The following SORCS2 variants were observed in gnomAD, a reference collection of about 807,000 sequenced individuals.
SORCS2 encodes the protein VPS10 domain-containing receptor SorCS2.
In SORCS2, 100 loss-of-function variants were observed where a neutral mutation model predicts 141.6. The observed-to-expected ratio is 0.71, with a 90% confidence interval of 0.60 to 0.83. The LOEUF (loss-of-function observed/expected upper bound fraction) is 0.83. Ranked by LOEUF, SORCS2 falls within the 40% of genes least tolerant of loss-of-function variation. The probability of loss-of-function intolerance (pLI) is 0.00; values close to 1 mark genes in which losing one functional copy is unlikely to be tolerated. For missense variants in SORCS2, 1,646 were observed against 1,560.2 expected, an observed-to-expected ratio of 1.05 and a Z score of -0.93; for synonymous variants, 789 against 676.9, an observed-to-expected ratio of 1.17 and a Z score of -2.57.
At chr4:7,323,552 C>T (rs1577398462) in intron 1 of SORCS2, among the ~76,000 whole-genome samples, 1 of 152,102 alleles carries the variant, frequency 6.6e-6, no homozygotes, top group Non-Finnish European at 1.5e-5. Context: ...TGTGGGGAGG[C>T]TCCTAGGAGG....
At chr4:7,559,796 C>T (rs1019974924) in intron 3 of SORCS2, among the ~76,000 whole-genome samples, 1 of 152,256 alleles carries the variant, frequency 6.6e-6, no homozygotes, top group Admixed American at 6.5e-5. Context: ...AAACGGCTCT[C>T]CACAAGGGCA....
At chr4:7,392,955 C>G (rs73796512) in intron 1 of SORCS2, among the ~76,000 whole-genome samples, 4,448 of 151,342 alleles carry the variant, frequency 0.029, 210 homozygotes, top group African/African-American at 0.1. Context: ...ACAGGCTGAG[C>G]TGGCATAGAT....
At chr4:7,676,639 C>T (rs1338433187) in intron 9 of SORCS2, among the ~76,000 whole-genome samples, 1 of 150,070 alleles carries the variant, frequency 6.7e-6, no homozygotes, top group Non-Finnish European at 1.5e-5. Context: ...CCATCTCTCT[C>T]CCTCTCTCCC....
intron 1 of SORCS2, among the ~76,000 whole-genome samples, chr4:7,379,404 G>A (rs1199872648): frequency 6.6e-6 from 1 of 152,212 alleles, no homozygotes; most frequent in East Asian, 1.9e-4. Context: ...AGCACGAGAG[G>A]CGTATTCAGA....
At chr4:7,302,073 G>A (rs946311663) in intron 1 of SORCS2, among the ~76,000 whole-genome samples, 6 of 152,230 alleles carry the variant, frequency 3.9e-5, no homozygotes, top group Non-Finnish European at 2.9e-5. Flanking sequence ...CCTGCATCCC[G>A]GCTTGCCGGT....
At chr4:7,338,238 AGGATGGAT>A (rs149832865) in intron 1 of SORCS2, among the ~76,000 whole-genome samples, 4 of 142,592 alleles carry the variant, frequency 2.8e-5, no homozygotes, top group Non-Finnish European at 6.1e-5. Flanking sequence ...GTCGGATGGA[AGGATGGAT>A]GGATGGATGG....
intron 9 of SORCS2, 108 bp from the exon 10 acceptor site, chr4:7,682,635 G>A: frequency 9.2e-7 from 1 of 1,086,448 alleles, no homozygotes; most frequent in Non-Finnish European, 1.3e-6. Flanking sequence ...ACTGTGAAAT[G>A]AGGCCACATG....
chr4:7,642,959 C>G (rs547436081), intron 4 of SORCS2, among the ~76,000 whole-genome samples: 1 of 152,328 alleles, frequency 6.6e-6, no homozygotes, highest in Non-Finnish European at 1.5e-5. Context: ...AGTCACATGA[C>G]AAGCCCAGAG....
chr4:7,338,532 CA>C (rs1720166714), intron 1 of SORCS2, among the ~76,000 whole-genome samples: 1 of 152,040 alleles, frequency 6.6e-6, no homozygotes, highest in African/African-American at 2.4e-5. Context: ...TATTGGTGGG[CA>C]AACTGAGGCC....
rs1046065564 is a variant in SORCS2, at chr4:7,648,074, G to A, written c.814-6060G>A. ...GTGGCCTGAGATGGAATGGGGTGCC[G>A]GCCCCTGAGGGCTCTGCTTACGGTG... is the stretch of plus-strand genomic sequence containing the variant. On this transcript the variant is annotated intron_variant, in intron 4 of 26. Transcript: ENST00000507866. The surrounding 1 kb of genome is among the most constrained non-coding windows in gnomAD (Gnocchi z 4.2). Among the ~76,000 whole-genome samples, 17 of 152,112 alleles carry A rather than the reference G, an allele frequency of 1.1e-4. No homozygotes were observed. Among genetic ancestry groups the A allele is most frequent in the African/African-American group, 1.9e-4 (8 of 41,426 alleles).
chr4:7,217,753 C>G (rs539895348), intron 1 of SORCS2, among the ~76,000 whole-genome samples: 1 of 152,214 alleles, frequency 6.6e-6, no homozygotes, highest in Non-Finnish European at 1.5e-5. Flanking sequence ...AAGTCTCCAA[C>G]TGTTAAATAC....
chr4:7,512,803 T>C (rs1732743858), intron 2 of SORCS2, among the ~76,000 whole-genome samples: 1 of 152,074 alleles, frequency 6.6e-6, no homozygotes, highest in Non-Finnish European at 1.5e-5. Context: ...CCCCCACCAG[T>C]GGACACATGG....
intron 1 of SORCS2, among the ~76,000 whole-genome samples, chr4:7,267,663 T>C (rs965345007): frequency 5.9e-5 from 9 of 152,200 alleles, no homozygotes; most frequent in African/African-American, 2.2e-4. Flanking sequence ...AAACCCCGTC[T>C]GTACTAAAAA....
chr4:7,618,857 C>T (rs371833010), intron 3 of SORCS2, among the ~76,000 whole-genome samples: 1 of 140,774 alleles, frequency 7.1e-6, no homozygotes, highest in Non-Finnish European at 1.6e-5. Context: ...CACACACACA[C>T]AAACACACAC....
rs141154179 is a variant in SORCS2, at chr4:7,644,360, C to T, written c.813+5868C>T. Among the ~76,000 whole-genome samples the T allele has an allele frequency of 3.1e-3, 464 of 149,016 alleles. 2 individuals carry two copies. Among genetic ancestry groups the T allele is most frequent in the Middle Eastern group, 0.01 (3 of 294 alleles). ...CCAGCTGCTGCCTTCACCACCACCA[C>T]GTCTCCACCCTCCAGAGGTGGAGGG... On this transcript the variant is annotated intron_variant, in intron 4 of 26. Transcript: ENST00000507866.
intron 2 of SORCS2, among the ~76,000 whole-genome samples, chr4:7,509,770 C>G (rs2109458311): frequency 6.6e-6 from 1 of 152,248 alleles, no homozygotes; most frequent in Non-Finnish European, 1.5e-5. Flanking sequence ...GCCTCCACCG[C>G]CCACCGGGGC....
chr4:7,263,397 G>T (rs1209931433), intron 1 of SORCS2, among the ~76,000 whole-genome samples: 3 of 151,940 alleles, frequency 2.0e-5, no homozygotes, highest in African/African-American at 7.2e-5. Flanking sequence ...GTCAAAGAAA[G>T]CACCCGTCAT....
intron 23 of SORCS2, 144 bp downstream of exon 23, chr4:7,729,856 A>G (rs1577131305): frequency 6.7e-6 from 8 of 1,192,028 alleles, no homozygotes; most frequent in Non-Finnish European, 9.2e-6. Flanking sequence ...GGGTGGCTTG[A>G]CCTCGTCCAC....
chr4:7,536,857 A>G (rs1362683057), intron 3 of SORCS2, among the ~76,000 whole-genome samples: 3 of 139,600 alleles, frequency 2.1e-5, no homozygotes, highest in African/African-American at 9.0e-5. Context: ...GGCAGGGCCC[A>G]CCTCGAGGTC....
Sources: gnomAD v4.1 joint callset for allele counts (sites outside exome capture counted in the v4.1 genomes callset) on GRCh38, gnomAD v4.1.1 for gene constraint, Gnocchi (gnomAD v3.1) non-coding constraint, MANE v1.5 for transcripts, NCBI Gene and HGNC (gene_info 2026-07-23, HGNC 2026-07-21) for gene names.